Variants in DENND5A observed in about 807,000 individuals in gnomAD.
The protein encoded by DENND5A is DENN domain containing 5A, also known as DENN domain-containing protein 5A.
A neutral mutation model predicts 140.3 loss-of-function variants in DENND5A; 64 were observed. The observed-to-expected ratio is 0.46, with a 90% CI of 0.37 to 0.56. The LOEUF (loss-of-function observed/expected upper bound fraction) is 0.56, where lower values mean the gene tolerates loss of function less well. DENND5A is among the 20% of genes least tolerant of loss of function. The pLI, the probability that DENND5A is intolerant of heterozygous loss-of-function variation, is 0.00. For synonymous variants in DENND5A, 605 were observed against 607.7 expected, an observed-to-expected ratio of 1.00 and a Z score of 0.07; for missense variants, 1,292 against 1,593.8, an observed-to-expected ratio of 0.81 and a Z score of 3.22.
intron 10 of DENND5A, among the ~76,000 whole-genome samples, chr11:9,169,495 G>GTACACA (rs1554916428): frequency 2.1e-5 from 3 of 145,716 alleles, no homozygotes; most frequent in African/African-American, 7.6e-5. Context: ...ATATACACAC[G>GTACACA]CACACACACA....
chr11:9,209,367 T>C (rs1849795970), intron 1 of DENND5A, among the ~76,000 whole-genome samples: 1 of 152,108 alleles, frequency 6.6e-6, no homozygotes, highest in East Asian at 1.9e-4. Flanking sequence ...AAAAGTGAGA[T>C]GAAGAATGGA....
chr11:9,215,618 G>T (rs1373146932), intron 1 of DENND5A, among the ~76,000 whole-genome samples: 1 of 149,150 alleles, frequency 6.7e-6, no homozygotes, highest in Admixed American at 6.8e-5. Flanking sequence ...CACGAACTCA[G>T]CTCACTGCAA....
intron 5 of DENND5A, among the ~76,000 whole-genome samples, chr11:9,183,096 G>A (rs1377915435): frequency 6.6e-6 from 1 of 152,108 alleles, no homozygotes; most frequent in East Asian, 1.9e-4. Context: ...ATACTTTGTA[G>A]TTCTTGTCCC....
intron 1 of DENND5A, among the ~76,000 whole-genome samples, chr11:9,215,550 C>CCTTTTTTTTTTTT (rs752413334): frequency 7.1e-6 from 1 of 140,524 alleles, no homozygotes. Context: ...ATCCTGTGTT[C>CCTTTTTTTTTTTT]TTTTTTTTTT....
intron 20 of DENND5A, chr11:9,143,100 A>G: frequency 1.7e-6 from 1 of 593,166 alleles, no homozygotes; most frequent in Non-Finnish European, 3.0e-6. Context: ...GGACAAAGCC[A>G]GTGTGGCCAC....
At chr11:9,246,989 G>C (rs779652412) in intron 1 of DENND5A, among the ~76,000 whole-genome samples, 36 of 152,208 alleles carry the variant, frequency 2.4e-4, no homozygotes, top group African/African-American at 8.2e-4. Context: ...CCAGCACTCT[G>C]GGAGGCCGAG....
intron 22 of DENND5A, among the ~76,000 whole-genome samples, 195 bp downstream of exon 22, chr11:9,141,745 T>C (rs1030594436): frequency 6.6e-6 from 1 of 152,202 alleles, no homozygotes. Flanking sequence ...ACAAATGTTG[T>C]TACGCAGCAC....
intron 1 of DENND5A, among the ~76,000 whole-genome samples, chr11:9,216,629 C>T (rs372147682): frequency 5.5e-4 from 84 of 152,292 alleles, no homozygotes; most frequent in African/African-American, 1.9e-3. Flanking sequence ...TGTTTAAGAA[C>T]CAGCAGGGCA....
chr11:9,163,664 C>T (rs895080048), intron 11 of DENND5A, among the ~76,000 whole-genome samples: 4 of 151,950 alleles, frequency 2.6e-5, no homozygotes, highest in Admixed American at 6.6e-5. Flanking sequence ...ATTAGCCAAG[C>T]ATGGTGGTGC....
chr11:9,192,674 A>T (rs895343068), intron 5 of DENND5A, among the ~76,000 whole-genome samples: 1 of 152,002 alleles, frequency 6.6e-6, no homozygotes, highest in African/African-American at 2.4e-5. Context: ...CCCCCAAAAA[A>T]ATGGTGGTGG....
chr11:9,143,717 A>G (rs1055523028), intron 19 of DENND5A, among the ~76,000 whole-genome samples: 5 of 152,250 alleles, frequency 3.3e-5, no homozygotes, highest in Admixed American at 2.0e-4. Context: ...AAATGCTGGT[A>G]AAGTTTAGTT....
chr11:9,170,989 G>A lies in DENND5A; in HGVS notation c.1907-212C>T, dbSNP rs144180912. On this transcript the variant is annotated intron_variant, in intron 8 of 22. Transcript: ENST00000328194. ...AGAATACTGGACATCAGGCAATGAA[G>A]GGCAGGACCCTGAGAAACAGGTAAC... 1.1e-4 allele frequency: 90 copies of A among 784,058 alleles called. 1 individual carries two copies. In the African/African-American group the frequency reaches 1.4e-3, roughly 12 times the overall value. 48.6% of individuals were successfully genotyped at this position (784,058 alleles called of 1,614,324 possible). A position where few individuals can be genotyped will look rare whatever the true frequency, so the allele number is the denominator to read the frequency against.
At chr11:9,228,374 G>A (rs1251502905) in intron 1 of DENND5A, among the ~76,000 whole-genome samples, 1 of 152,132 alleles carries the variant, frequency 6.6e-6, no homozygotes, top group Admixed American at 6.6e-5. Context: ...CTGCAGAGAG[G>A]AGAGAGACGC....
At chr11:9,242,014 C>CAAA (rs965240891) in intron 1 of DENND5A, among the ~76,000 whole-genome samples, 3 of 58,130 alleles carry the variant, frequency 5.2e-5, no homozygotes, top group African/African-American at 1.2e-4. Context: ...AACTCCGTCT[C>CAAA]AAAAAAAAAA....
intron 1 of DENND5A, among the ~76,000 whole-genome samples, chr11:9,238,861 C>G (rs1851114997): frequency 7.4e-6 from 1 of 134,438 alleles, no homozygotes; most frequent in African/African-American, 2.8e-5. Context: ...ACCTAATTTT[C>G]ACTCTTGTTG....
intron 1 of DENND5A, among the ~76,000 whole-genome samples, chr11:9,215,568 G>A (rs1203269138): frequency 8.1e-6 from 1 of 123,612 alleles, no homozygotes; most frequent in African/African-American, 3.4e-5. Flanking sequence ...TTTTTTTTGA[G>A]ATGGAGTCTC....
chr11:9,193,478 A>G lies in DENND5A; in HGVS notation c.1137+16T>C. ...TCCTGGATTGGGGCCAGAGGCACCAACACTCAAGATCTCACCTCTTGAGGC... is the reference window on the plus strand; with the variant it reads ...TCCTGGATTGGGGCCAGAGGCACCAGCACTCAAGATCTCACCTCTTGAGGC... On this transcript the variant is annotated intron_variant, in intron 5 of 22. Transcript: ENST00000328194. The G allele has an allele frequency of 6.4e-7, 1 of 1,570,170 alleles. No individual in the cohort carries two copies. Among genetic ancestry groups the G allele is most frequent in the Non-Finnish European group, 8.6e-7 (1 of 1,159,670 alleles).
At chr11:9,155,075 G>C (rs749633675) in intron 12 of DENND5A, among the ~76,000 whole-genome samples, 7 of 151,742 alleles carry the variant, frequency 4.6e-5, no homozygotes, top group Non-Finnish European at 8.8e-5. Flanking sequence ...CTTGAACCCA[G>C]GAGGCAGAGA....
chr11:9,241,411 G>A (rs187566487), intron 1 of DENND5A, among the ~76,000 whole-genome samples: 10 of 152,122 alleles, frequency 6.6e-5, no homozygotes, highest in Admixed American at 6.6e-4. Flanking sequence ...TGATACTACT[G>A]GTCCAGAGAC....
Sources: gnomAD v4.1 joint callset for allele counts (sites outside exome capture counted in the v4.1 genomes callset) on GRCh38, gnomAD v4.1.1 for gene constraint, MANE v1.5 for transcripts, NCBI Gene and HGNC (gene_info 2026-07-23, HGNC 2026-07-21) for gene names.